Variants in HLCS observed in about 807,000 individuals in gnomAD.
The protein encoded by HLCS is holocarboxylase synthetase, also known as biotin--protein ligase.
Under a neutral mutation model 75.0 loss-of-function variants are expected in HLCS, and 53 were observed. That is an observed-to-expected ratio of 0.71 (90% CI 0.57 to 0.89). The LOEUF is 0.89. HLCS is among the 40% of genes least tolerant of loss of function. The pLI, the probability that HLCS is intolerant of heterozygous loss-of-function variation, is 0.00. For missense variants in HLCS, 966 were observed against 1,074.0 expected (o/e 0.90, Z 1.41); for synonymous variants, 431 against 428.6 (o/e 1.01, Z -0.07).
At chr21:36,834,080 G>A (rs1292946546) in intron 6 of HLCS, among the ~76,000 whole-genome samples, 3 of 152,224 alleles carry the variant, frequency 2.0e-5, no homozygotes, top group Admixed American at 6.5e-5. Flanking sequence ...TTTCCTAGGC[G>A]AGGGTTCCAC....
At chr21:36,986,037 C>A (rs59943709) in intron 1 of HLCS, among the ~76,000 whole-genome samples, 1 of 151,930 alleles carries the variant, frequency 6.6e-6, no homozygotes, top group African/African-American at 2.4e-5. Flanking sequence ...ATGTATTCCC[C>A]AAGTGCATGT....
chr21:36,762,361 G>C (rs573140980), intron 8 of HLCS, among the ~76,000 whole-genome samples: 2 of 152,150 alleles, frequency 1.3e-5, no homozygotes, highest in Non-Finnish European at 2.9e-5. Flanking sequence ...AGGGGTAGGG[G>C]TGTGTGGGTG....
chr21:36,828,366 G>GGAAT (rs55892136), intron 6 of HLCS, among the ~76,000 whole-genome samples: 25,813 of 150,962 alleles, frequency 0.17, 2,362 homozygotes, highest in South Asian at 0.22. Context: ...AGAAGTGTGT[G>GGAAT]GAATGAATGA....
intron 5 of HLCS, among the ~76,000 whole-genome samples, chr21:36,916,293 AT>A (rs763237964): frequency 6.6e-6 from 1 of 152,130 alleles, no homozygotes; most frequent in African/African-American, 2.4e-5. Context: ...TTTGTTGAGT[AT>A]AAAAGATCAA....
chr21:36,783,048 G>C (rs892256341), intron 6 of HLCS, among the ~76,000 whole-genome samples: 4 of 152,080 alleles, frequency 2.6e-5, no homozygotes, highest in African/African-American at 9.7e-5. Context: ...GTTTTGTATT[G>C]TATTAATACT....
intron 6 of HLCS, among the ~76,000 whole-genome samples, chr21:36,792,731 A>C (rs914267284): frequency 6.6e-6 from 1 of 152,204 alleles, no homozygotes; most frequent in Non-Finnish European, 1.5e-5. Context: ...CCAAGTAACG[A>C]AGCCAACAAC....
At chr21:36,755,845 A>G (rs1440885353) in intron 10 of HLCS, among the ~76,000 whole-genome samples, 1 of 152,252 alleles carries the variant, frequency 6.6e-6, no homozygotes, top group Non-Finnish European at 1.5e-5. Flanking sequence ...TTTCTGATGC[A>G]GTAGCCCCTG....
chr21:36,982,594 T>C (rs912342496), intron 1 of HLCS, among the ~76,000 whole-genome samples: 2 of 152,212 alleles, frequency 1.3e-5, no homozygotes, highest in Non-Finnish European at 2.9e-5. Flanking sequence ...AAGCTTCATA[T>C]TGTGGTTCTT....
intron 6 of HLCS, among the ~76,000 whole-genome samples, chr21:36,788,534 T>C (rs2060764378): frequency 6.6e-6 from 1 of 152,240 alleles, no homozygotes; most frequent in African/African-American, 2.4e-5. Flanking sequence ...GAACTTCTCA[T>C]AACGTTTTTT....
At chr21:36,908,357 G>T (rs2065552276) in intron 5 of HLCS, among the ~76,000 whole-genome samples, 1 of 150,158 alleles carries the variant, frequency 6.7e-6, no homozygotes, top group African/African-American at 2.5e-5. Context: ...CCACTGCACT[G>T]ACAGCCTGGG....
Position 36,920,048 on chromosome 21 carries a change from C to T in HLCS, c.1620+10203G>A, listed in dbSNP as rs529482403. Among the ~76,000 whole-genome samples, 19 of 152,248 alleles carry T rather than the reference C, an allele frequency of 1.2e-4. No homozygotes were observed. In the South Asian group the frequency reaches 3.3e-3, roughly 27 times the overall value. On this transcript the variant is annotated intron_variant, in intron 5 of 10. Transcript: ENST00000674895. ...GGGTTTGGTCATGAGAATTTGGTGA[C>T]GCACCAGGCACGGTAGCTCATACCT... is the stretch of plus-strand genomic sequence containing the variant.
chr21:36,778,922 A>T (rs192045814), intron 6 of HLCS, among the ~76,000 whole-genome samples: 1 of 152,240 alleles, frequency 6.6e-6, no homozygotes, highest in South Asian at 2.1e-4. Flanking sequence ...GCTCATCTTG[A>T]ACTTTCTCAG....
At chr21:36,945,870 C>T (rs1044779134) in intron 2 of HLCS, 2 of 152,362 alleles carry the variant, frequency 1.3e-5, no homozygotes, top group African/African-American at 4.8e-5. Flanking sequence ...TCTCTACACT[C>T]TTCCAGCACA....
intron 5 of HLCS, among the ~76,000 whole-genome samples, chr21:36,924,489 A>G (rs1194823162): frequency 6.6e-6 from 1 of 152,108 alleles, no homozygotes; most frequent in Non-Finnish European, 1.5e-5. Flanking sequence ...GAACCCAGGA[A>G]GCAGAGGCTG....
chr21:36,970,508 C>T (rs9981407), upstream of HLCS, among the ~76,000 whole-genome samples: 62,045 of 151,638 alleles, frequency 0.41, 13,385 homozygotes, highest in South Asian at 0.54. Context: ...TGTGGGATTA[C>T]AGGCACATGC....
intron 5 of HLCS, among the ~76,000 whole-genome samples, chr21:36,920,651 G>T (rs1380216563): frequency 6.6e-6 from 1 of 151,928 alleles, no homozygotes; most frequent in East Asian, 1.9e-4. Context: ...CACCTACTAT[G>T]TACCTATTAA....
intron 6 of HLCS, among the ~76,000 whole-genome samples, chr21:36,823,610 G>GGTGTGTGTGTGTGTGT (rs59724760): frequency 0.048 from 6,340 of 132,590 alleles, 185 homozygotes; most frequent in Middle Eastern, 0.071. Flanking sequence ...AAACGTGCAG[G>GGTGTGTGTGTGTGTGT]GTGTGTGTGT....
At chr21:36,861,290 C>T (rs926633642) in intron 6 of HLCS, among the ~76,000 whole-genome samples, 3 of 152,182 alleles carry the variant, frequency 2.0e-5, no homozygotes, top group South Asian at 2.1e-4. Context: ...GCCCAGGTAA[C>T]GTCCCTGTGG....
At chr21:36,906,759 A>C (rs2065473872) in intron 5 of HLCS, among the ~76,000 whole-genome samples, 1 of 152,050 alleles carries the variant, frequency 6.6e-6, no homozygotes, top group African/African-American at 2.4e-5. Flanking sequence ...GGGAAGGAAC[A>C]AAAAGTTGGA....
Sources: allele counts gnomAD v4.1 joint callset (sites outside exome capture counted in the v4.1 genomes callset), GRCh38; gene constraint gnomAD v4.1.1; transcripts MANE v1.5; gene names NCBI Gene and HGNC (gene_info 2026-07-23, HGNC 2026-07-21).